The following ADH1A variants were observed in gnomAD, a reference collection of about 807,000 sequenced individuals.
ADH1A encodes alcohol dehydrogenase 1A (class I), alpha polypeptide.
A neutral mutation model predicts 35.2 loss-of-function variants in ADH1A; 29 were observed. The ratio of observed to expected loss-of-function variants is 0.82; its 90% CI spans 0.61 to 1.12. The LOEUF is 1.12. ADH1A is among the 50% of genes most tolerant of loss of function. The probability of loss-of-function intolerance (pLI) is 0.00; values close to 1 mark genes in which losing one functional copy is unlikely to be tolerated. For synonymous variants in ADH1A, 147 were observed against 164.8 expected, an observed-to-expected ratio of 0.89 and a Z score of 0.83; for missense variants, 469 against 464.7, an observed-to-expected ratio of 1.01 and a Z score of -0.09.
chr4:99,287,814 G>A, intron 1 of ADH1A, 149 bp from the exon 2 acceptor site: 1 of 738,556 alleles, frequency 1.4e-6, no homozygotes, highest in Non-Finnish European at 2.1e-6. Flanking sequence ...GATTTATAAA[G>A]AGAAAAAAAT....
At chr4:99,286,765 G>T (rs1455664033) in intron 3 of ADH1A, 85 bp downstream of exon 3, 2 of 1,567,058 alleles carry the variant, frequency 1.3e-6, no homozygotes, top group Non-Finnish European at 1.7e-6. Flanking sequence ...AAGCCCTTTC[G>T]TCCCTCTTTG....
At chr4:99,286,420 C>G (rs962601569) in intron 3 of ADH1A, among the ~76,000 whole-genome samples, 1 of 152,156 alleles carries the variant, frequency 6.6e-6, no homozygotes, top group Admixed American at 6.5e-5. Flanking sequence ...AGCCATGTAG[C>G]GTCCATTTTG....
intron 2 of ADH1A, 146 bp downstream of exon 2, chr4:99,287,418 T>A: frequency 1.2e-6 from 1 of 808,632 alleles, no homozygotes; most frequent in Non-Finnish European, 1.9e-6. Flanking sequence ...TGCACTTTTT[T>A]AAAATTTAAA....
chr4:99,287,600 C>T lies in ADH1A; in HGVS notation c.84G>A (p.Glu28=). The T allele has an allele frequency of 6.2e-7, 1 of 1,613,870 alleles. No homozygotes were observed. Among genetic ancestry groups the T allele is most frequent in the Middle Eastern group, 1.6e-4 (1 of 6,062 alleles). Residue 28 remains glutamate, a synonymous_variant, in exon 2 of 9, where the codon GAG becomes GAA. Coordinates refer to ENST00000209668, the MANE Select transcript of ADH1A (RefSeq NM_000667.4). ...CTTCATGGGCCTTAGGAGGTGCAAC[C>T]TCCACCTCCTCAATGGAAAAGGGTT... ...LKKPFSIEEV[E]VAPPKAHEVR...
chr4:99,287,116 G>A (rs1343030539), intron 2 of ADH1A, 128 bp from the exon 3 acceptor site: 3 of 1,174,486 alleles, frequency 2.6e-6, no homozygotes, highest in African/African-American at 3.1e-5. Context: ...ACTATCCCAA[G>A]TATGAAAGAT....
At chr4:99,279,239 G>C (rs1320520452) in intron 8 of ADH1A, among the ~76,000 whole-genome samples, 187 bp downstream of exon 8, 4 of 151,948 alleles carry the variant, frequency 2.6e-5, no homozygotes, top group African/African-American at 9.7e-5. Flanking sequence ...GAAATGCAAA[G>C]CAACTGTTTT....
intron 8 of ADH1A, among the ~76,000 whole-genome samples, chr4:99,277,721 CAAT>C (rs944562538): frequency 1.3e-5 from 2 of 151,914 alleles, no homozygotes; most frequent in Admixed American, 1.3e-4. Flanking sequence ...GAGAATTTCC[CAAT>C]AATGTCATTT....
intron 8 of ADH1A, among the ~76,000 whole-genome samples, chr4:99,276,907 C>CA (rs1414556860): frequency 6.6e-5 from 10 of 152,056 alleles, no homozygotes; most frequent in African/African-American, 2.2e-4. Context: ...TTAGCATCTT[C>CA]AAAAAATCAT....
chr4:99,280,059 C>T, intron 7 of ADH1A, 85 bp downstream of exon 7: 3 of 1,566,392 alleles, frequency 1.9e-6, no homozygotes, highest in Non-Finnish European at 2.6e-6. Flanking sequence ...TTTTGATCTG[C>T]TTTTCAAAAC....
intron 1 of ADH1A, among the ~76,000 whole-genome samples, chr4:99,289,305 A>C (rs181501766): frequency 2.6e-5 from 4 of 152,310 alleles, no homozygotes; most frequent in African/African-American, 9.6e-5. Flanking sequence ...TCTCATAAGG[A>C]TGCTACCAGG....
Position 99,282,591 on chromosome 4 carries a change from T to A in ADH1A, c.583A>T (p.Thr195Ser). The change falls in exon 6 of 9, where the codon ACC (threonine) becomes TCC (serine). Residue 195 changes from threonine (T) to serine (S), a missense_variant. By Grantham distance (58) the Thr-to-Ser change is moderately conservative. Transcript: ENST00000209668. ...CCTCCCAGGCCAAACACAGCACAGG[T>A]AGAGCCTGGGGTGACCTGTGTTTTC... ...VNVAKVTPGS[T>S]CAVFGLGGVG... 1 of 1,614,120 alleles carries A rather than the reference T, an allele frequency of 6.2e-7. No homozygotes were observed. The highest frequency in any genetic ancestry group is 8.5e-7 in the Non-Finnish European group (1 of 1,179,998).
chr4:99,279,509 C>A lies in ADH1A; in HGVS notation c.1020G>T (p.Lys340Asn). Residue 340 changes from lysine (K) to asparagine (N), a missense_variant, in exon 8 of 9, where the codon AAG (lysine) becomes AAT (asparagine). Coordinates refer to ENST00000209668, the MANE Select transcript of ADH1A (RefSeq NM_000667.4). Reference protein sequence around the residue: ...PKLVADFMAKKFSLDALITHV... With the variant: ...PKLVADFMAKNFSLDALITHV... ...GGGTTATTAATGCATCCAATGAAAA[C>A]TTCTTAGCCATAAAATCAGCCACAA... 1 of 1,611,538 alleles carries A rather than the reference C, an allele frequency of 6.2e-7. No homozygotes were observed. Among genetic ancestry groups the A allele is most frequent in the Non-Finnish European group, 8.5e-7 (1 of 1,179,100 alleles).
chr4:99,283,626 T>G (rs965307581), intron 5 of ADH1A, among the ~76,000 whole-genome samples: 1 of 152,300 alleles, frequency 6.6e-6, no homozygotes, highest in African/African-American at 2.4e-5. Context: ...AGCAGGAGAT[T>G]AGTAAAAGAT....
chr4:99,290,931 C>A lies in ADH1A; in HGVS notation c.-17G>T, dbSNP rs373448563. ...TGTGCTCATGTTGATTCTGTCTTCTCTGCAGACCAGGAGACTGGTGAGTCC... is the reference window on the plus strand; with the variant it reads ...TGTGCTCATGTTGATTCTGTCTTCTATGCAGACCAGGAGACTGGTGAGTCC... On this transcript the variant is annotated 5_prime_UTR_variant, in exon 1 of 9. An upstream open reading frame in the 5' UTR gains an earlier in-frame stop. Transcript: ENST00000209668. 25 of 1,613,870 alleles carry A rather than the reference C, an allele frequency of 1.5e-5. No homozygotes were observed. The African/African-American group carries it at 3.1e-4, about 20-fold the overall frequency.
intron 5 of ADH1A, 152 bp downstream of exon 5, chr4:99,284,247 A>T (rs948174479): frequency 1.2e-6 from 1 of 837,664 alleles, no homozygotes; most frequent in Non-Finnish European, 1.9e-6. Flanking sequence ...AACTTCTAGC[A>T]TGTGCTCTCA....
At chr4:99,290,145 A>T (rs1352407117) in intron 1 of ADH1A, among the ~76,000 whole-genome samples, 2 of 152,200 alleles carry the variant, frequency 1.3e-5, no homozygotes, top group African/African-American at 4.8e-5. Context: ...TTGTGCACCT[A>T]TAAACACATT....
rs1351845417 is a variant in ADH1A at position 99,286,978 on chromosome 4, A to G, written c.131T>C (p.Val44Ala). Residue 44 changes from valine to alanine, a missense_variant, in exon 3 of 9, where the codon GTA becomes GCA. By Grantham distance (64) the Val-to-Ala change is moderately conservative (BLOSUM62 0). Coordinates refer to ENST00000209668, the MANE Select transcript of ADH1A (RefSeq NM_000667.4). ...AHEVRIKMVA[V>A]GICGTDDHVV... Reference sequence around the variant, plus strand: ...GTGGTCATCTGTGCCACAGATTCCTACAGCCACCATCTACAGAGTGAAGAG... The same window carrying G: ...GTGGTCATCTGTGCCACAGATTCCTGCAGCCACCATCTACAGAGTGAAGAG... 6.2e-7 allele frequency: 1 copy of G among 1,613,884 alleles called. No homozygotes were observed. The highest frequency in any genetic ancestry group is 1.3e-5 in the African/African-American group (1 of 74,934).
intron 6 of ADH1A, 146 bp downstream of exon 6, chr4:99,282,200 T>A: frequency 6.7e-7 from 1 of 1,487,946 alleles, no homozygotes; most frequent in Non-Finnish European, 9.3e-7. Flanking sequence ...TAACAATAAA[T>A]TAAACAAGCC....
chr4:99,280,852 A>C (rs1174783105), intron 6 of ADH1A, among the ~76,000 whole-genome samples: 3 of 152,172 alleles, frequency 2.0e-5, no homozygotes, highest in Non-Finnish European at 4.4e-5. Flanking sequence ...TTTTACATTA[A>C]AATACCCTGA....
Sources: allele counts gnomAD v4.1 joint callset (sites outside exome capture counted in the v4.1 genomes callset), GRCh38; gene constraint gnomAD v4.1.1; transcripts MANE v1.5; gene names NCBI Gene and HGNC (gene_info 2026-07-23, HGNC 2026-07-21).